ASB18: variants seen among roughly 807,000 people sequenced by gnomAD.
ASB18 encodes the protein ankyrin repeat and SOCS box containing 18.
In ASB18, 33 loss-of-function variants were observed where a neutral mutation model predicts 33.4. That is an observed-to-expected ratio of 0.99 (90% confidence interval 0.75 to 1.32). The LOEUF is 1.32. ASB18 is among the 40% of genes most tolerant of loss of function. The pLI is 0.00. For synonymous variants in ASB18, 295 were observed against 307.6 expected, an observed-to-expected ratio of 0.96 and a Z score of 0.43; for missense variants, 694 against 655.5, an observed-to-expected ratio of 1.06 and a Z score of -0.64.
In ASB18 at chr2:236,215,842, G is replaced by A. The variant is rs963687728; in HGVS notation, c.597-976C>T. ...ATAGTCACCTGCCATCGATAAGGCCGCTCCAGCCTTGGAAGTCTGCAAACA... is the reference window on the plus strand; with the variant it reads ...ATAGTCACCTGCCATCGATAAGGCCACTCCAGCCTTGGAAGTCTGCAAACA... On this transcript the variant is annotated intron_variant, in intron 3 of 5. Transcript: ENST00000409749. The surrounding 1 kb of genome is among the most constrained non-coding windows in gnomAD (Gnocchi z 7.2). Among the ~76,000 whole-genome samples the A allele has an allele frequency of 2.0e-5, 3 of 152,108 alleles. No homozygotes were observed. Among genetic ancestry groups the A allele is most frequent in the South Asian group, 2.1e-4 (1 of 4,814 alleles).
chr2:236,201,536 A>T (rs2060402527), intron 4 of ASB18, among the ~76,000 whole-genome samples: 1 of 152,116 alleles, frequency 6.6e-6, no homozygotes, highest in South Asian at 2.1e-4. Context: ...TCAAATGGTT[A>T]TTTTTTAAAA....
intron 4 of ASB18, among the ~76,000 whole-genome samples, chr2:236,198,309 T>C (rs1266905155): frequency 1.3e-5 from 2 of 152,212 alleles, no homozygotes; most frequent in Non-Finnish European, 1.5e-5. Context: ...TTGCATATGA[T>C]TTTGAAATCT....
rs1159539789 is a variant in ASB18, at chr2:236,200,154, C to T, written c.1102-3769G>A. 6.6e-6 allele frequency among the ~76,000 whole-genome samples: 1 copy of T among 152,074 alleles called. No homozygotes were observed. The highest frequency in any genetic ancestry group is 2.4e-5 in the African/African-American group (1 of 41,402). ...CTGAGGTCAGGAGTTCGATACTAGC[C>T]TGGCCAACATGGTGAAGCTCCATCT... On this transcript the variant is annotated intron_variant, in intron 4 of 5. Transcript: ENST00000409749. The surrounding 1 kb of genome is among the most constrained non-coding windows in gnomAD (Gnocchi z 4.2).
rs952587393 is a variant in ASB18 at position 236,244,829 on chromosome 2, A to G, written c.206-3427T>C. ...AAATCGAACACATTTATGGTTTGAT[A>G]TAGATGTGTTTTGACCCTTGTTGTA... On this transcript the variant is annotated intron_variant, in intron 1 of 5. Coordinates refer to ENST00000409749, the MANE Select transcript of ASB18 (RefSeq NM_212556.4). The surrounding 1 kb of genome is among the most constrained non-coding windows in gnomAD (Gnocchi z 6.1). Among the ~76,000 whole-genome samples, 4 of 152,218 alleles carry G rather than the reference A, an allele frequency of 2.6e-5. No individual in the cohort carries two copies. The highest frequency in any genetic ancestry group is 5.9e-5 in the Non-Finnish European group (4 of 68,046).
At chr2:236,230,295 T>C (rs986297560) in intron 3 of ASB18, among the ~76,000 whole-genome samples, 2 of 151,358 alleles carry the variant, frequency 1.3e-5, no homozygotes, top group African/African-American at 4.9e-5. Context: ...AAAGACTTTT[T>C]CAAACATACA....
rs535617220 is a variant in ASB18, at chr2:236,245,297, G to T, written c.206-3895C>A. Reference sequence around the variant, plus strand: ...CCCACTGCTAGTGACTCTGTGTCAGGTGTATCCCTGCAGGTTGATACCCTT... The same window carrying T: ...CCCACTGCTAGTGACTCTGTGTCAGTTGTATCCCTGCAGGTTGATACCCTT... On this transcript the variant is annotated intron_variant, in intron 1 of 5. Transcript: ENST00000409749. This position sits in a 1 kb window ranked among gnomAD's most constrained non-coding sequence, Gnocchi z 4.7. Among the ~76,000 whole-genome samples the T allele has an allele frequency of 6.6e-6, 1 of 152,328 alleles. No homozygotes were observed. Among genetic ancestry groups the T allele is most frequent in the Non-Finnish European group, 1.5e-5 (1 of 68,032 alleles).
chr2:236,218,604 C>T (rs1334758746), intron 3 of ASB18, among the ~76,000 whole-genome samples: 1 of 151,964 alleles, frequency 6.6e-6, no homozygotes, highest in Non-Finnish European at 1.5e-5. Context: ...AGAGACCATC[C>T]TGGCTAACAT....
rs766486582 is a variant in ASB18, at chr2:236,249,330, T to G, written c.206-7928A>C. 2 of 152,270 alleles carry G rather than the reference T, an allele frequency of 1.3e-5. No individual in the cohort carries two copies. Among genetic ancestry groups the G allele is most frequent in the African/African-American group, 4.8e-5 (2 of 41,456 alleles). The allele number at this position is 152,270 out of a possible 1,614,324, so 9.4% of individuals were successfully genotyped here. On this transcript the variant is annotated intron_variant, in intron 1 of 5. Coordinates refer to ENST00000409749, the MANE Select transcript of ASB18 (RefSeq NM_212556.4). The surrounding 1 kb of genome is among the most constrained non-coding windows in gnomAD (Gnocchi z 4.6). ...TTTGATTTTTCTTGGTTGGTTGGTTTGTTTTCAAGCTAGCCCACTAACAGC... is the reference window on the plus strand; with the variant it reads ...TTTGATTTTTCTTGGTTGGTTGGTTGGTTTTCAAGCTAGCCCACTAACAGC...
Position 236,237,084 on chromosome 2 carries a change from C to T in ASB18, c.596+605G>A, listed in dbSNP as rs2060595586. Among the ~76,000 whole-genome samples the T allele has an allele frequency of 3.3e-5, 5 of 152,220 alleles. No homozygotes were observed. The South Asian group carries it at 1.0e-3, about 32-fold the overall frequency. On this transcript the variant is annotated intron_variant, in intron 3 of 5. Transcript: ENST00000409749. The surrounding 1 kb of genome is among the most constrained non-coding windows in gnomAD (Gnocchi z 6.2). ...CGAACTAGCTGAGCGGCCGCTGGGCCTCCCTAGAGGCCGGCACAGCTCCGC... is the reference window on the plus strand; with the variant it reads ...CGAACTAGCTGAGCGGCCGCTGGGCTTCCCTAGAGGCCGGCACAGCTCCGC...
In ASB18 at chr2:236,229,435, G is replaced by A. The variant is rs567673463; in HGVS notation, c.596+8254C>T. 6.6e-6 allele frequency among the ~76,000 whole-genome samples: 1 copy of A among 152,028 alleles called. No individual in the cohort carries two copies. The highest frequency in any genetic ancestry group is 1.5e-5 in the Non-Finnish European group (1 of 68,006). ...ATTGGAGTCCCTGAAGGAGAGTACTGGTTGTATAGAAAAAAAATGTGAAGA... is the reference window on the plus strand; with the variant it reads ...ATTGGAGTCCCTGAAGGAGAGTACTAGTTGTATAGAAAAAAAATGTGAAGA... On this transcript the variant is annotated intron_variant, in intron 3 of 5. Transcript: ENST00000409749. This position sits in a 1 kb window ranked among gnomAD's most constrained non-coding sequence, Gnocchi z 5.2.
chr2:236,198,730 A>G (rs1288041032), intron 4 of ASB18, among the ~76,000 whole-genome samples: 2 of 152,148 alleles, frequency 1.3e-5, no homozygotes, highest in African/African-American at 2.4e-5. Flanking sequence ...GAATTGCTCA[A>G]TTATGTCTTT....
chr2:236,231,144 G>A lies in ASB18; in HGVS notation c.596+6545C>T, dbSNP rs1380181642. On this transcript the variant is annotated intron_variant, in intron 3 of 5. Transcript: ENST00000409749. The surrounding 1 kb of genome is among the most constrained non-coding windows in gnomAD (Gnocchi z 5.5). ...CCGCTAACCAATGGACTATTGCAAAGGTGACAGGAGGTTGTTTTGGTGAAT... is the reference window on the plus strand; with the variant it reads ...CCGCTAACCAATGGACTATTGCAAAAGTGACAGGAGGTTGTTTTGGTGAAT... Among the ~76,000 whole-genome samples the A allele has an allele frequency of 1.3e-5, 2 of 152,146 alleles. No individual in the cohort carries two copies. The highest frequency in any genetic ancestry group is 2.9e-5 in the Non-Finnish European group (2 of 68,038).
At position 236,205,297 on chromosome 2, in the gene ASB18, G is replaced by A. The variant is rs2060427601; in HGVS notation, c.1102-8912C>T. 6.6e-6 allele frequency among the ~76,000 whole-genome samples: 1 copy of A among 152,038 alleles called. No homozygotes were observed. Among genetic ancestry groups the A allele is most frequent in the African/African-American group, 2.4e-5 (1 of 41,388 alleles). ...AGCTCCTTCCATCTCCGGCCACACT[G>A]GTCCCCTGTGGTTCTGTGCGCAGGG... is the stretch of plus-strand genomic sequence containing the variant. On this transcript the variant is annotated intron_variant, in intron 4 of 5. Transcript: ENST00000409749. This position sits in a 1 kb window ranked among gnomAD's most constrained non-coding sequence, Gnocchi z 5.4.
Position 236,256,822 on chromosome 2 carries a change from G to A in ASB18, c.205+7319C>T, listed in dbSNP as rs879503704. Among the ~76,000 whole-genome samples the A allele has an allele frequency of 1.4e-4, 21 of 151,960 alleles. No homozygotes were observed. Among genetic ancestry groups the A allele is most frequent in the Non-Finnish European group, 2.8e-4 (19 of 68,018 alleles). The stretch of plus-strand genomic sequence containing the variant: ...TTCTTGTCCATATGCCTTTGAAGCC[G>A]GACCATTAGCTCTAAGGCATGCATC... On this transcript the variant is annotated intron_variant, in intron 1 of 5. Coordinates refer to ENST00000409749, the MANE Select transcript of ASB18 (RefSeq NM_212556.4). The surrounding 1 kb of genome is among the most constrained non-coding windows in gnomAD (Gnocchi z 4.7).
At chr2:236,261,927 G>A (rs538273191) in intron 1 of ASB18, among the ~76,000 whole-genome samples, 4 of 152,234 alleles carry the variant, frequency 2.6e-5, no homozygotes, top group African/African-American at 9.6e-5. Context: ...ATAATCGTAT[G>A]GTGGAAACTG....
Position 236,223,189 on chromosome 2 carries a change from T to A in ASB18, c.597-8323A>T, listed in dbSNP as rs528622168. ...CTGCAGAACTGTGAGCCAATTAAGC[T>A]TTTTTTCTTATAACTTTCACAGTGT... On this transcript the variant is annotated intron_variant, in intron 3 of 5. Coordinates refer to ENST00000409749, the MANE Select transcript of ASB18 (RefSeq NM_212556.4). This position sits in a 1 kb window ranked among gnomAD's most constrained non-coding sequence, Gnocchi z 4.6. 2.6e-5 allele frequency among the ~76,000 whole-genome samples: 4 copies of A among 152,324 alleles called. No homozygotes were observed. The highest frequency in any genetic ancestry group is 4.1e-4 in the South Asian group (2 of 4,820).
rs2060556095 is a variant in ASB18 at position 236,229,729 on chromosome 2, T to C, written c.596+7960A>G. The stretch of plus-strand genomic sequence containing the variant: ...GGTGGCATGCACCTGTAATCCCAGC[T>C]ATCTGGGAGGCTGAGGCAGGAGAAT... On this transcript the variant is annotated intron_variant, in intron 3 of 5. Coordinates refer to ENST00000409749, the MANE Select transcript of ASB18 (RefSeq NM_212556.4). The surrounding 1 kb of genome is among the most constrained non-coding windows in gnomAD (Gnocchi z 5.2). Among the ~76,000 whole-genome samples the C allele has an allele frequency of 6.6e-6, 1 of 151,940 alleles. No individual in the cohort carries two copies. The highest frequency in any genetic ancestry group is 2.1e-4 in the South Asian group (1 of 4,810).
Position 236,244,836 on chromosome 2 carries a change from T to C in ASB18, c.206-3434A>G, listed in dbSNP as rs2060636855. Among the ~76,000 whole-genome samples the C allele has an allele frequency of 6.6e-6, 1 of 152,192 alleles. No individual in the cohort carries two copies. Among genetic ancestry groups the C allele is most frequent in the Non-Finnish European group, 1.5e-5 (1 of 68,036 alleles). On this transcript the variant is annotated intron_variant, in intron 1 of 5. Transcript: ENST00000409749. This position sits in a 1 kb window ranked among gnomAD's most constrained non-coding sequence, Gnocchi z 6.1. ...ACACATTTATGGTTTGATATAGATG[T>C]GTTTTGACCCTTGTTGTAGAACCCT...
In ASB18 at chr2:236,252,138, G is replaced by T. The variant is rs960214189; in HGVS notation, c.206-10736C>A. Among the ~76,000 whole-genome samples the T allele has an allele frequency of 6.6e-6, 1 of 152,130 alleles. No individual in the cohort carries two copies. The highest frequency in any genetic ancestry group is 2.4e-5 in the African/African-American group (1 of 41,420). On this transcript the variant is annotated intron_variant, in intron 1 of 5. Transcript: ENST00000409749. This position sits in a 1 kb window ranked among gnomAD's most constrained non-coding sequence, Gnocchi z 7.9. ...GTACAAAAATCAGCTGAGGGTGGTG[G>T]TGTGCGGCTGCAGTCCCAGCTATTC... is the stretch of plus-strand genomic sequence containing the variant.
Sources: allele counts gnomAD v4.1 joint callset (sites outside exome capture counted in the v4.1 genomes callset), GRCh38; gene constraint gnomAD v4.1.1; non-coding constraint Gnocchi (gnomAD v3.1); transcripts MANE v1.5; gene names NCBI Gene and HGNC (gene_info 2026-07-23, HGNC 2026-07-21).